The following DISC1 variants were observed in gnomAD, a reference collection of about 807,000 sequenced individuals.
DISC1 encodes disrupted in schizophrenia 1 protein.
In DISC1, 57 loss-of-function variants were observed where a neutral mutation model predicts 84.5. That is an observed-to-expected ratio of 0.67 (90% CI 0.55 to 0.84). DISC1 has a LOEUF of 0.84. Among genes scored for constraint, DISC1 ranks in the 40% least tolerant of loss-of-function variants. The pLI, the probability that DISC1 is intolerant of heterozygous loss-of-function variation, is 0.00. For missense variants in DISC1, 1,000 were observed against 1,057.8 expected, an observed-to-expected ratio of 0.95 and a Z score of 0.76; for synonymous variants, 411 against 415.2, an observed-to-expected ratio of 0.99 and a Z score of 0.12.
At chr1:231,937,649 G>A (rs2091062137) in intron 9 of DISC1, among the ~76,000 whole-genome samples, 1 of 152,156 alleles carries the variant, frequency 6.6e-6, no homozygotes, top group African/African-American at 2.4e-5. Flanking sequence ...TGTGGAGGCG[G>A]GTGGATGGGG....
intron 9 of DISC1, among the ~76,000 whole-genome samples, chr1:231,893,854 A>G (rs1291880772): frequency 6.6e-6 from 1 of 152,214 alleles, no homozygotes; most frequent in Admixed American, 6.5e-5. Flanking sequence ...CTTATGAACA[A>G]TGAATACAAT....
intron 12 of DISC1, among the ~76,000 whole-genome samples, chr1:232,026,911 G>T (rs1417710485): frequency 6.6e-6 from 1 of 151,786 alleles, no homozygotes; most frequent in Non-Finnish European, 1.5e-5. Flanking sequence ...AGCACGCCCA[G>T]CTAATTTTTT....
intron 9 of DISC1, among the ~76,000 whole-genome samples, chr1:231,922,429 A>G (rs2090064856): frequency 6.6e-6 from 1 of 152,130 alleles, no homozygotes; most frequent in African/African-American, 2.4e-5. Context: ...AGCTTGTCCT[A>G]ACATTATTCC....
At chr1:231,634,921 C>A (rs1572343321) in intron 1 of DISC1, among the ~76,000 whole-genome samples, 1 of 148,184 alleles carries the variant, frequency 6.7e-6, no homozygotes. Context: ...GACCCTGTCT[C>A]AAAAAAAAAA....
intron 10 of DISC1, among the ~76,000 whole-genome samples, chr1:232,001,787 GA>G (rs536009148): frequency 2.7e-5 from 4 of 149,864 alleles, no homozygotes; most frequent in African/African-American, 4.9e-5. Flanking sequence ...AAACTTTTAG[GA>G]AAAAAAAAGG....
intron 9 of DISC1, among the ~76,000 whole-genome samples, chr1:231,823,274 G>A (rs1309973574): frequency 6.6e-6 from 1 of 152,108 alleles, no homozygotes; most frequent in Non-Finnish European, 1.5e-5. Context: ...AAAATCTATG[G>A]GTCTCTTTTA....
intron 9 of DISC1, among the ~76,000 whole-genome samples, chr1:231,821,610 A>G (rs1252736195): frequency 6.6e-6 from 1 of 152,192 alleles, no homozygotes; most frequent in Non-Finnish European, 1.5e-5. Flanking sequence ...ATATTTATGG[A>G]AATTAACTAT....
chr1:231,845,297 A>G (rs1226797545), intron 9 of DISC1, among the ~76,000 whole-genome samples: 1 of 152,188 alleles, frequency 6.6e-6, no homozygotes, highest in East Asian at 1.9e-4. Context: ...ACTGAGCCAC[A>G]TCCTGGTGCC....
chr1:231,916,400 A>G (rs2089622000), intron 9 of DISC1, among the ~76,000 whole-genome samples: 1 of 152,110 alleles, frequency 6.6e-6, no homozygotes, highest in South Asian at 2.1e-4. Context: ...AAGAGCTGTA[A>G]TCCCAGCACT....
chr1:231,953,463 A>G (rs571076129), intron 9 of DISC1, among the ~76,000 whole-genome samples: 25 of 152,168 alleles, frequency 1.6e-4, no homozygotes, highest in Non-Finnish European at 3.5e-4. Flanking sequence ...TTTCAGGATT[A>G]TGTTACCTCT....
intron 9 of DISC1, among the ~76,000 whole-genome samples, chr1:231,886,800 T>TTTCC (rs1408409549): frequency 2.2e-4 from 31 of 141,054 alleles, no homozygotes; most frequent in African/African-American, 8.7e-4. Flanking sequence ...TCTTTCTTTC[T>TTTCC]TTCTTTCTTT....
In DISC1 at chr1:231,746,007, T is replaced by A. The variant is rs564393727; in HGVS notation, c.1118-3919T>A. On this transcript the variant is annotated intron_variant, in intron 3 of 12. Transcript: ENST00000439617. ...GTGATGTGCCTGCTCTCCCTTAGCC[T>A]TCTGCCATGATTGTAAGCTCCCTGA... Among the ~76,000 whole-genome samples, 7 of 152,302 alleles carry A rather than the reference T, an allele frequency of 4.6e-5. No individual in the cohort carries two copies. The South Asian group carries it at 6.2e-4, about 14-fold the overall frequency.
intron 4 of DISC1, among the ~76,000 whole-genome samples, chr1:231,761,849 G>A (rs2075689344): frequency 6.6e-6 from 1 of 152,096 alleles, no homozygotes; most frequent in African/African-American, 2.4e-5. Context: ...TATTTGCCAA[G>A]CCCCTACTAA....
intron 11 of DISC1, among the ~76,000 whole-genome samples, chr1:232,025,842 C>G (rs926673558): frequency 1.3e-5 from 2 of 152,068 alleles, no homozygotes; most frequent in African/African-American, 4.8e-5. Flanking sequence ...GTGATCCGCC[C>G]GCTTCGGCCT....
At position 231,854,699 on chromosome 1, in the gene DISC1, C is replaced by G. The variant is rs561172528; in HGVS notation, c.1981+36182C>G. ...ACTTGGAGGTATGTGATACAAGAAACTAAGGAACTAAAATAATTCTTTTTT... is the reference window on the plus strand; with the variant it reads ...ACTTGGAGGTATGTGATACAAGAAAGTAAGGAACTAAAATAATTCTTTTTT... On this transcript the variant is annotated intron_variant, in intron 9 of 12. Coordinates refer to ENST00000439617, the MANE Select transcript of DISC1 (RefSeq NM_018662.3). 7.9e-5 allele frequency: 14 copies of G among 176,170 alleles called. 1 individual carries two copies. In the South Asian group the frequency reaches 1.3e-3, roughly 16 times the overall value. The allele number at this position is 176,170 out of a possible 1,614,324, so 10.9% of individuals were successfully genotyped here. A position where few individuals can be genotyped will look rare whatever the true frequency, so the allele number is the denominator to read the frequency against.
At chr1:231,968,604 AAAAAAGC>A (rs1404496631) in intron 10 of DISC1, among the ~76,000 whole-genome samples, 2 of 151,582 alleles carry the variant, frequency 1.3e-5, no homozygotes, top group African/African-American at 4.8e-5. Context: ...AAAAAAAAAA[AAAAAAGC>A]AAAAACAAAA....
intron 3 of DISC1, among the ~76,000 whole-genome samples, chr1:231,728,697 C>T (rs1323064446): frequency 6.6e-6 from 1 of 152,138 alleles, no homozygotes; most frequent in Non-Finnish European, 1.5e-5. Context: ...TGCATTTTTG[C>T]TCTGGAAAAT....
intron 3 of DISC1, among the ~76,000 whole-genome samples, chr1:231,729,954 C>T (rs890668445): frequency 2.6e-5 from 4 of 152,044 alleles, no homozygotes; most frequent in African/African-American, 9.7e-5. Flanking sequence ...CTCTGATACT[C>T]TGAATTCTAT....
intron 10 of DISC1, among the ~76,000 whole-genome samples, chr1:231,984,293 T>C (rs1347940714): frequency 6.6e-6 from 1 of 152,184 alleles, no homozygotes; most frequent in East Asian, 1.9e-4. Flanking sequence ...ACGTGGAGAA[T>C]ACAACACCTT....
Sources: allele counts gnomAD v4.1 joint callset (sites outside exome capture counted in the v4.1 genomes callset), GRCh38; gene constraint gnomAD v4.1.1; transcripts MANE v1.5; gene names NCBI Gene and HGNC (gene_info 2026-07-23, HGNC 2026-07-21).